The following ATP9A variants were observed in gnomAD, a reference collection of about 807,000 sequenced individuals.
ATP9A encodes the protein probable phospholipid-transporting ATPase IIA.
Under a neutral mutation model 144.1 loss-of-function variants are expected in ATP9A, and 52 were observed. The observed-to-expected ratio is 0.36, with a 90% CI of 0.29 to 0.45. ATP9A has a LOEUF of 0.45. ATP9A is among the 20% of genes least tolerant of loss of function. ATP9A has a pLI of 1.00. For missense variants in ATP9A, 947 were observed against 1,392.7 expected (o/e 0.68, Z 5.09); for synonymous variants, 582 against 557.4 (o/e 1.04, Z -0.62).
At chr20:51,607,460 G>C in intron 26 of ATP9A, 67 bp downstream of exon 26, 1 of 1,383,668 alleles carries the variant, frequency 7.2e-7, no homozygotes, top group Non-Finnish European at 1.0e-6. Context: ...TGTTCTACAG[G>C]CAAGAAGGGG....
Position 51,725,879 on chromosome 20 carries a change from G to T in ATP9A, c.267C>A (p.Ala89=). 6.2e-7 allele frequency: 1 copy of T among 1,613,974 alleles called. No homozygotes were observed. Among genetic ancestry groups the T allele is most frequent in the African/African-American group, 1.3e-5 (1 of 75,034 alleles). The change falls in exon 3 of 28, where the codon GCC becomes GCA. Residue 89 remains alanine, a synonymous_variant. Coordinates refer to ENST00000338821, the MANE Select transcript of ATP9A (RefSeq NM_006045.3). ...YFFNLYFLLL[A]CSQFVPEMRL... ...TCATTTCGGGAACAAACTGAGAGCAGGCAAGAAGTAAGAAATAGAGGTTGA... is the reference window on the plus strand; with the variant it reads ...TCATTTCGGGAACAAACTGAGAGCATGCAAGAAGTAAGAAATAGAGGTTGA...
intron 1 of ATP9A, among the ~76,000 whole-genome samples, chr20:51,768,060 A>T (rs1488151570): frequency 6.6e-6 from 1 of 152,050 alleles, no homozygotes; most frequent in East Asian, 2.0e-4. Flanking sequence ...TTCTAAAGGA[A>T]GGTGGGCAAG....
At chr20:51,631,062 C>T (rs537487938) in intron 15 of ATP9A, among the ~76,000 whole-genome samples, 143 of 152,326 alleles carry the variant, frequency 9.4e-4, no homozygotes, top group African/African-American at 2.0e-3. Context: ...ATAAAACACC[C>T]TTTAACGACA....
intron 13 of ATP9A, among the ~76,000 whole-genome samples, chr20:51,668,707 C>T (rs1197373024): frequency 6.6e-6 from 1 of 152,142 alleles, no homozygotes; most frequent in Non-Finnish European, 1.5e-5. Context: ...CATTTGGAGA[C>T]CAGCCATGAC....
intron 9 of ATP9A, among the ~76,000 whole-genome samples, chr20:51,686,638 A>T (rs903358701): frequency 1.3e-5 from 2 of 152,214 alleles, no homozygotes; most frequent in Admixed American, 1.3e-4. Context: ...CAATTAAATC[A>T]AAATTAAAAC....
chr20:51,651,896 G>A (rs780677945), intron 14 of ATP9A, among the ~76,000 whole-genome samples: 1 of 152,030 alleles, frequency 6.6e-6, no homozygotes, highest in Admixed American at 6.6e-5. Flanking sequence ...ACCACTGGGC[G>A]ACAGAGCAAG....
intron 9 of ATP9A, among the ~76,000 whole-genome samples, chr20:51,680,361 A>G (rs1234039056): frequency 2.6e-5 from 4 of 152,178 alleles, no homozygotes; most frequent in South Asian, 2.1e-4. Flanking sequence ...CTCTCCACTA[A>G]AAGTTTGAGA....
At chr20:51,737,537 A>C (rs549688684) in intron 1 of ATP9A, among the ~76,000 whole-genome samples, 10 of 152,318 alleles carry the variant, frequency 6.6e-5, no homozygotes, top group African/African-American at 2.4e-4. Flanking sequence ...ACGTAACCCC[A>C]GTTGGACTAA....
chr20:51,738,522 G>A (rs940914075), intron 1 of ATP9A, among the ~76,000 whole-genome samples: 10 of 151,322 alleles, frequency 6.6e-5, no homozygotes, highest in African/African-American at 2.2e-4. Context: ...TTGCCAACGT[G>A]GTGAAACCCT....
chr20:51,630,778 G>A (rs1008240095), intron 15 of ATP9A, among the ~76,000 whole-genome samples: 2 of 152,098 alleles, frequency 1.3e-5, no homozygotes, highest in East Asian at 1.9e-4. Context: ...GAACACCCCC[G>A]ATTCCTACTT....
At chr20:51,608,381 T>G (rs1386864901) in intron 25 of ATP9A, 137 bp downstream of exon 25, 1 of 640,878 alleles carries the variant, frequency 1.6e-6, no homozygotes, top group Non-Finnish European at 2.8e-6. Context: ...GTAAAAAAGC[T>G]ACCAGTTCAA....
At chr20:51,649,218 C>T (rs2077353978) in intron 14 of ATP9A, among the ~76,000 whole-genome samples, 1 of 152,150 alleles carries the variant, frequency 6.6e-6, no homozygotes, top group Non-Finnish European at 1.5e-5. Flanking sequence ...GAGTCTCCCA[C>T]ACACAGGCAT....
rs12625393 is a variant in ATP9A, at chr20:51,747,063, C to G, written c.69-17085G>C. Among the ~76,000 whole-genome samples, 320 of 149,630 alleles carry G rather than the reference C, an allele frequency of 2.1e-3. 4 individuals are homozygous for G. In the East Asian group the frequency reaches 0.03, roughly 14 times the overall value. ...AAAGGTATGAAGGGAAACTTTTGCT[C>G]TTCCTTCTAAATACATCTAAGGTCT... On this transcript the variant is annotated intron_variant, in intron 1 of 27. Coordinates refer to ENST00000338821, the MANE Select transcript of ATP9A (RefSeq NM_006045.3).
At chr20:51,678,658 G>C (rs1010273506) in intron 9 of ATP9A, among the ~76,000 whole-genome samples, 7 of 152,166 alleles carry the variant, frequency 4.6e-5, no homozygotes, top group African/African-American at 1.2e-4. Context: ...ACCGAGCCCG[G>C]GCTGAGCTTG....
At chr20:51,702,336 G>C (rs1338057689) in intron 4 of ATP9A, among the ~76,000 whole-genome samples, 1 of 149,746 alleles carries the variant, frequency 6.7e-6, no homozygotes, top group African/African-American at 2.5e-5. Flanking sequence ...TACATAGTTT[G>C]GGCCTTCATG....
At chr20:51,614,444 A>T (rs1277742037) in intron 22 of ATP9A, among the ~76,000 whole-genome samples, 1 of 151,846 alleles carries the variant, frequency 6.6e-6, no homozygotes, top group African/African-American at 2.4e-5. Context: ...GGGAGCACAG[A>T]CATGCACCAC....
intron 1 of ATP9A, among the ~76,000 whole-genome samples, chr20:51,761,584 A>AC (rs1484712850): frequency 6.6e-6 from 1 of 151,876 alleles, no homozygotes; most frequent in Non-Finnish European, 1.5e-5. Flanking sequence ...ACACGGTGAA[A>AC]CCCCGTCTCT....
chr20:51,691,000 A>G (rs756661850), intron 7 of ATP9A, among the ~76,000 whole-genome samples, 181 bp from the exon 8 acceptor site: 11 of 152,198 alleles, frequency 7.2e-5, no homozygotes, highest in Non-Finnish European at 1.5e-4. Context: ...GAGTCGCAGC[A>G]TACAGTATCT....
chr20:51,694,034 A>G lies in ATP9A; in HGVS notation c.616T>C (p.Cys206Arg), dbSNP rs1366352411. ...GCGGCCGTGGGGAGCCTCTGCGTGC[A>G]GGCCACGGGAAGCCGCAGCTTCCAG... ...TDWKLRLPVA[C>R]TQRLPTAADL... Residue 206 changes from cysteine to arginine, a missense_variant, in exon 7 of 28, where the codon TGC becomes CGC. Around this residue, in one of 2 missense-constraint regions of ATP9A, gnomAD observed 770 missense variants for 1,047.9 expected, o/e 0.73. Transcript: ENST00000338821. 2 of 1,613,948 alleles carry G rather than the reference A, an allele frequency of 1.2e-6. No homozygotes were observed. The highest frequency in any genetic ancestry group is 1.7e-6 in the Non-Finnish European group (2 of 1,179,954).
Sources: gnomAD v4.1 joint callset for allele counts (sites outside exome capture counted in the v4.1 genomes callset) on GRCh38, gnomAD v4.1.1 for gene constraint, gnomAD v4.1.1 regional missense constraint, MANE v1.5 for transcripts, NCBI Gene and HGNC (gene_info 2026-07-23, HGNC 2026-07-21) for gene names.